The following DYNC2LI1 variants were observed in gnomAD, a reference collection of about 807,000 sequenced individuals.
The protein encoded by DYNC2LI1 is dynein cytoplasmic 2 light intermediate chain 1.
Under a neutral mutation model 51.9 loss-of-function variants are expected in DYNC2LI1, and 45 were observed. The ratio of observed to expected loss-of-function variants is 0.87; its 90% CI spans 0.68 to 1.11. DYNC2LI1 has a LOEUF of 1.11. DYNC2LI1 is among the 50% of genes most tolerant of loss of function. The probability of loss-of-function intolerance (pLI) is 0.00; values close to 1 mark genes in which losing one functional copy is unlikely to be tolerated. For missense variants in DYNC2LI1, 490 were observed against 417.4 expected (o/e 1.17, Z -1.51); for synonymous variants, 130 against 137.8 (o/e 0.94, Z 0.40).
At chr2:43,802,724 C>A (rs1267708708) in intron 10 of DYNC2LI1, among the ~76,000 whole-genome samples, 1 of 152,030 alleles carries the variant, frequency 6.6e-6, no homozygotes, top group Non-Finnish European at 1.5e-5. Flanking sequence ...TATGAAAGCC[C>A]ATGTGAAGAT....
the DYNC2LI1 span, among the ~76,000 whole-genome samples, chr2:43,825,261 C>T: frequency 6.6e-5 from 10 of 152,294 alleles, no homozygotes; most frequent in Middle Eastern, 3.4e-3. Flanking sequence ...GTGGGTCATG[C>T]TGCCTCCCAT....
downstream of DYNC2LI1, chr2:43,814,368 AAATTG>A (rs1229249286): frequency 1.3e-6 from 1 of 750,242 alleles, no homozygotes; most frequent in Non-Finnish European, 2.3e-6. Context: ...ACAGAGTTTT[AAATTG>A]AATTATTATA....
chr2:43,820,229 C>T, the DYNC2LI1 span: 3 of 1,126,864 alleles, frequency 2.7e-6, no homozygotes, highest in South Asian at 1.4e-5. Flanking sequence ...AGCCACACTC[C>T]CCTTTGAAAG....
intron 4 of DYNC2LI1, among the ~76,000 whole-genome samples, chr2:43,787,855 C>G (rs1673596897): frequency 6.6e-6 from 1 of 152,094 alleles, no homozygotes; most frequent in Non-Finnish European, 1.5e-5. Context: ...TGTAGAAGGA[C>G]AATCTAGAAT....
chr2:43,774,182 C>T (rs762692801), intron 1 of DYNC2LI1, 36 bp downstream of exon 1: 17 of 1,612,600 alleles, frequency 1.1e-5, no homozygotes, highest in Middle Eastern at 1.6e-4. Context: ...GGAAAGGCTA[C>T]TGAGAGTATT....
chr2:43,823,989 G>T, the DYNC2LI1 span: 1 of 1,614,230 alleles, frequency 6.2e-7, no homozygotes, highest in East Asian at 2.2e-5. Flanking sequence ...CGCGGTCCTG[G>T]ATAGCACCCT....
At chr2:43,803,813 C>G (rs1403155231) in intron 10 of DYNC2LI1, among the ~76,000 whole-genome samples, 1 of 152,020 alleles carries the variant, frequency 6.6e-6, no homozygotes, top group Non-Finnish European at 1.5e-5. Flanking sequence ...TTTTGGGGAA[C>G]AATACAGTTG....
chr2:43,778,622 C>T (rs1245761359), intron 2 of DYNC2LI1, among the ~76,000 whole-genome samples: 1 of 152,040 alleles, frequency 6.6e-6, no homozygotes, highest in Non-Finnish European at 1.5e-5. Context: ...ATTTCTATTA[C>T]AGAAAACATT....
rs1673389997 is a variant in DYNC2LI1, at chr2:43,783,576, A to T, written c.161+22A>T. 3.4e-6 allele frequency: 5 copies of T among 1,472,328 alleles called. No individual in the cohort carries two copies. In the East Asian group the frequency reaches 1.3e-4, roughly 38 times the overall value. 91.2% of individuals were successfully genotyped at this position (1,472,328 alleles called of 1,614,324 possible). ...ACAGGTAAGTGTTATGTTAACCTTT[A>T]AACTATATTTATGCTTATTCTAGTT... On this transcript the variant is annotated intron_variant, in intron 3 of 12. Transcript: ENST00000260605.
intron 3 of DYNC2LI1, among the ~76,000 whole-genome samples, chr2:43,785,840 T>G (rs1233039229): frequency 1.3e-5 from 2 of 152,032 alleles, no homozygotes; most frequent in African/African-American, 4.8e-5. Flanking sequence ...TGAGAAGTTG[T>G]TTAATGGGTA....
intron 2 of DYNC2LI1, among the ~76,000 whole-genome samples, chr2:43,782,710 G>A (rs1406443369): frequency 6.6e-6 from 1 of 152,170 alleles, no homozygotes; most frequent in African/African-American, 2.4e-5. Context: ...GGTTGGGCAT[G>A]GTGGCTCACA....
the DYNC2LI1 span, chr2:43,827,956 C>T: frequency 1.2e-6 from 2 of 1,613,406 alleles, no homozygotes; most frequent in Non-Finnish European, 8.5e-7. Flanking sequence ...CAGACAGCAG[C>T]TAGTAACAGT....
intron 12 of DYNC2LI1, among the ~76,000 whole-genome samples, chr2:43,808,736 A>G (rs1244925632): frequency 1.3e-5 from 2 of 152,168 alleles, no homozygotes; most frequent in African/African-American, 2.4e-5. Flanking sequence ...TGCTTTTTTC[A>G]TGTGGCACAC....
chr2:43,822,765 C>T, the DYNC2LI1 span: 1 of 1,613,826 alleles, frequency 6.2e-7, no homozygotes, highest in Non-Finnish European at 8.5e-7. Flanking sequence ...TCCATGGGAG[C>T]CCGGCCCTGG....
In DYNC2LI1 at chr2:43,787,257, G is replaced by A. The variant is rs780304004; in HGVS notation, c.231+7G>A. ...AGCAAAAGGGCACAACACAGTAAGT[G>A]TCTTTTAAAGTGACATTGCTATGCC... On this transcript the variant is annotated splice_region_variant and intron_variant, in intron 4 of 12. Transcript: ENST00000260605. The A allele has an allele frequency of 5.0e-6, 8 of 1,605,210 alleles. No individual in the cohort carries two copies. The highest frequency in any genetic ancestry group is 6.8e-6 in the Non-Finnish European group (8 of 1,173,386).
Position 43,792,784 on chromosome 2 carries a change from A to C in DYNC2LI1, c.321-1673A>C, listed in dbSNP as rs770871195. On this transcript the variant is annotated intron_variant, in intron 5 of 12. Coordinates refer to ENST00000260605, the MANE Select transcript of DYNC2LI1 (RefSeq NM_016008.4). ...TGTCCTTTTGTTATTTATTTCATTTAGCATAACGTCTTCAGGGTTCTTCCG... is the reference window on the plus strand; with the variant it reads ...TGTCCTTTTGTTATTTATTTCATTTCGCATAACGTCTTCAGGGTTCTTCCG... 16 of 1,538,996 alleles carry C rather than the reference A, an allele frequency of 1.0e-5. No homozygotes were observed. In the South Asian group the frequency reaches 1.9e-4, roughly 19 times the overall value.
At chr2:43,786,728 A>T (rs1673536937) in intron 3 of DYNC2LI1, among the ~76,000 whole-genome samples, 1 of 152,142 alleles carries the variant, frequency 6.6e-6, no homozygotes, top group African/African-American at 2.4e-5. Flanking sequence ...CGGGAGGCTG[A>T]GGCAGGAGAA....
chr2:43,783,696 C>A (rs182784113), intron 3 of DYNC2LI1, 142 bp downstream of exon 3: 242 of 525,052 alleles, frequency 4.6e-4, no homozygotes, highest in African/African-American at 4.5e-3. Context: ...TTAGTATAAC[C>A]TTTAAGAGCG....
Position 43,774,100 on chromosome 2 carries a change from T to A in DYNC2LI1, c.-39T>A, listed in dbSNP as rs771000683. The A allele has an allele frequency of 8.1e-6, 13 of 1,613,180 alleles. No individual in the cohort carries two copies. Among genetic ancestry groups the A allele is most frequent in the South Asian group, 6.6e-5 (6 of 90,854 alleles). On this transcript the variant is annotated 5_prime_UTR_variant, in exon 1 of 13. Transcript: ENST00000260605. ...CGCCTGATTCTAGGCTGGTCACTAC[T>A]CCGAGCCTGTGACGTTTGCGGCAGC...
Sources: gnomAD v4.1 joint callset for allele counts (sites outside exome capture counted in the v4.1 genomes callset) on GRCh38, gnomAD v4.1.1 for gene constraint, MANE v1.5 for transcripts, NCBI Gene and HGNC (gene_info 2026-07-23, HGNC 2026-07-21) for gene names.